Variants in SMIM17 observed in about 807,000 individuals in gnomAD.
SMIM17 encodes small integral membrane protein 17.
SMIM17 carries 10 observed loss-of-function variants against 12.2 expected under a neutral mutation model. The observed-to-expected ratio is 0.82, with a 90% CI of 0.50 to 1.39. The LOEUF is 1.39. SMIM17 is among the 40% of genes most tolerant of loss of function. The pLI is 0.00. For missense variants in SMIM17, 136 were observed against 118.2 expected (o/e 1.15, Z -0.70); for synonymous variants, 50 against 44.1 (o/e 1.13, Z -0.53).
At chr19:56,650,110 T>A (rs569486778) in intron 3 of SMIM17, among the ~76,000 whole-genome samples, 2 of 152,252 alleles carry the variant, frequency 1.3e-5, no homozygotes, top group East Asian at 1.9e-4. Context: ...AAGGTAGAAA[T>A]GAAACAGAGA....
At chr19:56,652,019 G>C (rs889788445) in intron 3 of SMIM17, among the ~76,000 whole-genome samples, 1 of 144,020 alleles carries the variant, frequency 6.9e-6, no homozygotes, top group Admixed American at 7.3e-5. Context: ...CAGGAGAATC[G>C]CTTGAACCTG....
At chr19:56,646,546 A>C (rs1049978483) in intron 2 of SMIM17, among the ~76,000 whole-genome samples, 2 of 152,152 alleles carry the variant, frequency 1.3e-5, no homozygotes, top group Non-Finnish European at 2.9e-5. Flanking sequence ...CCCCCACAGA[A>C]AGAATGGTGC....
intron 1 of SMIM17, among the ~76,000 whole-genome samples, chr19:56,643,743 T>C (rs2045041797): frequency 1.3e-5 from 2 of 152,224 alleles, no homozygotes; most frequent in Non-Finnish European, 2.9e-5. Context: ...GCTGTGTGGC[T>C]TTGATCAGGG....
chr19:56,651,079 G>A (rs1042048244), intron 3 of SMIM17, among the ~76,000 whole-genome samples: 1 of 152,136 alleles, frequency 6.6e-6, no homozygotes, highest in African/African-American at 2.4e-5. Context: ...AAAGAGGAGC[G>A]GGCTGTCTGG....
At chr19:56,650,672 C>T (rs1366573769) in intron 3 of SMIM17, among the ~76,000 whole-genome samples, 2 of 152,224 alleles carry the variant, frequency 1.3e-5, no homozygotes, top group South Asian at 2.1e-4. Context: ...AGAGTTTGGG[C>T]TTGGAGGGGA....
At chr19:56,643,719 C>T (rs1293010881) in intron 1 of SMIM17, among the ~76,000 whole-genome samples, 2 of 152,200 alleles carry the variant, frequency 1.3e-5, no homozygotes, top group African/African-American at 2.4e-5. Context: ...GCAGCCCCGC[C>T]CCCACTCTTC....
chr19:56,655,267 T>C lies in SMIM17; in HGVS notation c.*54T>C, dbSNP rs911580855. On this transcript the variant is annotated 3_prime_UTR_variant, in exon 4 of 4. Transcript: ENST00000598409. The stretch of plus-strand genomic sequence containing the variant: ...TTAATTTAATGAAATAGATGCCCTA[T>C]GTCATGTTAAGGAATTGTGCTAGTT... The C allele has an allele frequency of 1.5e-6, 1 of 675,984 alleles. No homozygotes were observed. Among genetic ancestry groups the C allele is most frequent in the Non-Finnish European group, 2.7e-6 (1 of 367,780 alleles). The allele number at this position is 675,984 out of a possible 1,614,324, so 41.9% of individuals were successfully genotyped here.
chr19:56,645,920 C>T (rs1462439058), intron 2 of SMIM17, 84 bp downstream of exon 2: 1 of 1,343,620 alleles, frequency 7.4e-7, no homozygotes, highest in East Asian at 2.6e-5. Flanking sequence ...ACATTCACTC[C>T]TTCACTCATC....
chr19:56,645,152 TGTGA>T (rs1312348020), intron 1 of SMIM17, among the ~76,000 whole-genome samples: 6 of 152,086 alleles, frequency 3.9e-5, no homozygotes, highest in Non-Finnish European at 7.4e-5. Context: ...TGTGTGTGAC[TGTGA>T]GTGTGTATGA....
chr19:56,646,356 C>CT (rs2045063028), intron 2 of SMIM17, among the ~76,000 whole-genome samples: 1 of 152,314 alleles, frequency 6.6e-6, no homozygotes, highest in African/African-American at 2.4e-5. Flanking sequence ...AAATATTCCT[C>CT]TAACTCAGTG....
At chr19:56,647,457 T>C (rs2045073455) in intron 2 of SMIM17, 101 bp from the exon 3 acceptor site, 3 of 711,654 alleles carry the variant, frequency 4.2e-6, no homozygotes, top group African/African-American at 2.1e-5. Context: ...GAGAGGAGGC[T>C]ATTACTAGAA....
intron 3 of SMIM17, among the ~76,000 whole-genome samples, chr19:56,648,380 TCCATC>T (rs1283772466): frequency 1.3e-4 from 15 of 118,942 alleles, no homozygotes; most frequent in Non-Finnish European, 1.9e-4. Flanking sequence ...ACCCATTCCA[TCCATC>T]CATCCATCCA....
chr19:56,643,291 C>T, intron 1 of SMIM17, 81 bp downstream of exon 1: 1 of 153,928 alleles, frequency 6.5e-6, no homozygotes, highest in Non-Finnish European at 1.4e-5. Context: ...TCCGGGGATG[C>T]GCGCGCGAGT....
At chr19:56,643,611 C>T (rs1220691030) in intron 1 of SMIM17, among the ~76,000 whole-genome samples, 3 of 152,060 alleles carry the variant, frequency 2.0e-5, no homozygotes, top group East Asian at 1.9e-4. Context: ...CGCACCTGCC[C>T]GAGTGTGCAC....
At chr19:56,649,364 G>A (rs1441855369) in intron 3 of SMIM17, among the ~76,000 whole-genome samples, 3 of 152,206 alleles carry the variant, frequency 2.0e-5, no homozygotes, top group South Asian at 2.1e-4. Flanking sequence ...AATGCACAGA[G>A]TGTACAATAG....
chr19:56,645,504 A>T, intron 1 of SMIM17, 64 bp from the exon 2 acceptor site: 1 of 563,206 alleles, frequency 1.8e-6, no homozygotes, highest in Non-Finnish European at 2.9e-6. Context: ...TCTAATGCTT[A>T]CAGTCGTGCC....
intron 3 of SMIM17, among the ~76,000 whole-genome samples, chr19:56,652,059 G>T (rs999457314): frequency 7.6e-6 from 1 of 131,278 alleles, no homozygotes; most frequent in Non-Finnish European, 1.5e-5. Flanking sequence ...AGCTGAGATT[G>T]TGCCACTGCA....
rs189689815 is a variant in SMIM17 at position 56,656,314 on chromosome 19, A to G, written c.*1101A>G. Among the ~76,000 whole-genome samples, 4 of 152,218 alleles carry G rather than the reference A, an allele frequency of 2.6e-5. No individual in the cohort carries two copies. The East Asian group carries it at 7.7e-4, about 29-fold the overall frequency. On this transcript the variant is annotated 3_prime_UTR_variant, in exon 4 of 4. Coordinates refer to ENST00000598409, the MANE Select transcript of SMIM17 (RefSeq NM_001193628.2). ...TTTCATATTATTAGCTTAATTATGCATAATGTTTTATAATTAAAAATTTCT... is the reference window on the plus strand; with the variant it reads ...TTTCATATTATTAGCTTAATTATGCGTAATGTTTTATAATTAAAAATTTCT...
At chr19:56,655,079 T>TCC in intron 3 of SMIM17, 24 bp from the exon 4 acceptor site, 3 of 671,260 alleles carry the variant, frequency 4.5e-6, no homozygotes, top group Non-Finnish European at 8.2e-6. Context: ...CCAATATTTA[T>TCC]CCTTTTCCTT....
Sources: allele counts gnomAD v4.1 joint callset (sites outside exome capture counted in the v4.1 genomes callset), GRCh38; gene constraint gnomAD v4.1.1; transcripts MANE v1.5; gene names NCBI Gene and HGNC (gene_info 2026-07-23, HGNC 2026-07-21).